The following ATP10B variants were observed in gnomAD, a reference collection of about 807,000 sequenced individuals.
ATP10B encodes phospholipid-transporting ATPase VB.
In ATP10B, 122 loss-of-function variants were observed where a neutral mutation model predicts 141.2. The observed-to-expected ratio is 0.86, with a 90% CI of 0.75 to 1.00. The LOEUF is 1.00. Ranked by LOEUF, ATP10B falls within the 50% of genes least tolerant of loss-of-function variation. The pLI is 0.00. For synonymous variants in ATP10B, 685 were observed against 692.0 expected (o/e 0.99, Z 0.16); for missense variants, 1,876 against 1,825.3 (o/e 1.03, Z -0.51).
chr5:160,740,829 G>A lies in ATP10B; in HGVS notation c.-330-23795C>T, dbSNP rs534606936. On this transcript the variant is annotated intron_variant, in intron 2 of 25. Coordinates refer to ENST00000327245, the MANE Select transcript of ATP10B (RefSeq NM_025153.3). The stretch of plus-strand genomic sequence containing the variant: ...GGGCATTGCAAACAGTAGCAGTGGC[G>A]GAATTCTTTGGATCTTTGACTGACC... Among the ~76,000 whole-genome samples the A allele has an allele frequency of 5.9e-5, 9 of 152,242 alleles. No individual in the cohort carries two copies. The South Asian group carries it at 1.2e-3, about 21-fold the overall frequency.
At chr5:160,825,616 A>G (rs1190686183) in intron 1 of ATP10B, among the ~76,000 whole-genome samples, 4 of 152,194 alleles carry the variant, frequency 2.6e-5, no homozygotes, top group African/African-American at 9.7e-5. Context: ...AATTTATTTC[A>G]CCAATGCCAT....
the ATP10B span, among the ~76,000 whole-genome samples, chr5:160,879,500 A>G: frequency 6.8e-6 from 1 of 147,166 alleles, no homozygotes; most frequent in African/African-American, 2.5e-5. Flanking sequence ...ACTAACCTGC[A>G]CAATGTGCAC....
intron 1 of ATP10B, among the ~76,000 whole-genome samples, chr5:160,818,719 A>G (rs1773875368): frequency 6.6e-6 from 1 of 152,226 alleles, no homozygotes; most frequent in South Asian, 2.1e-4. Flanking sequence ...TTGTGGCACT[A>G]TTCACAATAG....
At chr5:160,881,060 A>C in the ATP10B span, among the ~76,000 whole-genome samples, 4 of 152,258 alleles carry the variant, frequency 2.6e-5, no homozygotes, top group African/African-American at 9.6e-5. Flanking sequence ...ACTATTACCC[A>C]AAATATACAT....
chr5:160,922,173 G>A, the ATP10B span, among the ~76,000 whole-genome samples: 1 of 152,194 alleles, frequency 6.6e-6, no homozygotes, highest in African/African-American at 2.4e-5. Context: ...AAGGGAAGAG[G>A]TAGATTCACT....
chr5:160,917,172 A>G, the ATP10B span, among the ~76,000 whole-genome samples: 8 of 151,724 alleles, frequency 5.3e-5, no homozygotes, highest in Non-Finnish European at 1.2e-4. Flanking sequence ...GTCTTATAAG[A>G]GGCAAATGAG....
intron 2 of ATP10B, among the ~76,000 whole-genome samples, chr5:160,749,750 A>G (rs1768035590): frequency 6.6e-6 from 1 of 152,158 alleles, no homozygotes; most frequent in South Asian, 2.1e-4. Context: ...AGAGTTTAAC[A>G]CTGGACTTCC....
At chr5:160,927,321 T>C in the ATP10B span, among the ~76,000 whole-genome samples, 1 of 152,172 alleles carries the variant, frequency 6.6e-6, no homozygotes, top group Admixed American at 6.5e-5. Context: ...TACCCCCACA[T>C]CTTTAAGATC....
chr5:160,803,172 T>C (rs1334868764), intron 1 of ATP10B, among the ~76,000 whole-genome samples: 1 of 152,212 alleles, frequency 6.6e-6, no homozygotes, highest in East Asian at 1.9e-4. Context: ...CTCAGTTTTT[T>C]TCCTTTTTGT....
chr5:160,834,708 C>A (rs75730519), intron 1 of ATP10B, among the ~76,000 whole-genome samples: 2,985 of 152,228 alleles, frequency 0.02, 43 homozygotes, highest in South Asian at 0.067. Context: ...CACTCACATA[C>A]AAATTCTCAT....
At chr5:160,640,397 G>T in intron 10 of ATP10B, 64 bp downstream of exon 10, 5 of 1,564,288 alleles carry the variant, frequency 3.2e-6, no homozygotes, top group Non-Finnish European at 4.4e-6. Context: ...AAATGAGGAA[G>T]CTGAAGAAAC....
chr5:160,655,088 C>T (rs929440417), intron 7 of ATP10B, among the ~76,000 whole-genome samples: 2 of 152,106 alleles, frequency 1.3e-5, no homozygotes, highest in African/African-American at 4.8e-5. Flanking sequence ...CTCAATTCCT[C>T]TGAAGGACTT....
chr5:160,742,443 G>A (rs757384466), intron 2 of ATP10B, among the ~76,000 whole-genome samples: 2 of 151,932 alleles, frequency 1.3e-5, no homozygotes, highest in Non-Finnish European at 2.9e-5. Context: ...CAGTACCAGG[G>A]CTTTTATCCT....
intron 2 of ATP10B, among the ~76,000 whole-genome samples, chr5:160,743,868 G>A (rs995780189): frequency 6.6e-6 from 1 of 152,100 alleles, no homozygotes; most frequent in African/African-American, 2.4e-5. Context: ...GTAGGGGAGG[G>A]AGAGCACGCT....
Position 160,591,137 on chromosome 5 carries a change from G to A in ATP10B, c.3567C>T (p.Cys1189=). The change falls in exon 23 of 26, where the codon TGC becomes TGT. Residue 1189 remains cysteine, a splice_region_variant and synonymous_variant. Transcript: ENST00000327245. ...AAATCCAGAAAGTCGACAGGTTATA[G>A]CACTGCCAGGAGAGAACACACCAAT... is the stretch of plus-strand genomic sequence containing the variant. The part of the protein sequence containing the change: ...ELYKSGQNSE[C]YNLSTFWISM... The A allele has an allele frequency of 1.2e-6, 2 of 1,613,352 alleles. No individual in the cohort carries two copies. The highest frequency in any genetic ancestry group is 3.3e-4 in the Middle Eastern group (2 of 6,058).
At chr5:160,653,639 CATATATATTAT>C (rs1761154099) in intron 7 of ATP10B, among the ~76,000 whole-genome samples, 2 of 70,642 alleles carry the variant, frequency 2.8e-5, no homozygotes, top group African/African-American at 6.0e-5. Flanking sequence ...TACATATATA[CATATATATTAT>C]ATATACATAT....
At chr5:160,620,288 C>T in intron 15 of ATP10B, 59 bp downstream of exon 15, 2 of 1,534,544 alleles carry the variant, frequency 1.3e-6, no homozygotes, top group Admixed American at 2.0e-5. Flanking sequence ...TACCATTCCA[C>T]ACTGCTTCTT....
At chr5:160,912,542 T>C in the ATP10B span, among the ~76,000 whole-genome samples, 2 of 150,144 alleles carry the variant, frequency 1.3e-5, no homozygotes, top group Non-Finnish European at 3.0e-5. Context: ...GAGGTTGCAG[T>C]GAGCTGAGAT....
chr5:160,606,380 C>T (rs567937243), intron 19 of ATP10B, among the ~76,000 whole-genome samples: 56 of 152,280 alleles, frequency 3.7e-4, no homozygotes, highest in African/African-American at 1.3e-3. Flanking sequence ...AATATCAAAT[C>T]CCTAAACACC....
Sources: allele counts gnomAD v4.1 joint callset (sites outside exome capture counted in the v4.1 genomes callset), GRCh38; gene constraint gnomAD v4.1.1; transcripts MANE v1.5; gene names NCBI Gene and HGNC (gene_info 2026-07-23, HGNC 2026-07-21).